The following TAF7L variants were observed in gnomAD, a reference collection of about 807,000 sequenced individuals.
TAF7L encodes the protein TATA-box binding protein associated factor 7 like.
TAF7L carries 6 observed loss-of-function variants against 30.2 expected under a neutral mutation model. The ratio of observed to expected loss-of-function variants is 0.20; its 90% CI spans 0.11 to 0.39. TAF7L has a LOEUF of 0.39. TAF7L is among the 10% of genes least tolerant of loss of function. TAF7L has a pLI of 1.00. For missense variants in TAF7L, 284 were observed against 277.1 expected (o/e 1.03, Z -0.18); for synonymous variants, 93 against 94.5 (o/e 0.98, Z 0.09).
At chrX:101,272,339 C>T (rs1923994021) in intron 12 of TAF7L, among the ~76,000 whole-genome samples, 1 of 111,935 alleles carries the variant, frequency 8.9e-6, no homozygotes, top group South Asian at 3.7e-4. Flanking sequence ...TATCAATATT[C>T]ATTGCAGCAT....
intron 6 of TAF7L, among the ~76,000 whole-genome samples, chrX:101,281,358 C>T (rs779146967): frequency 8.9e-6 from 1 of 112,136 alleles, no homozygotes; most frequent in South Asian, 3.7e-4. Flanking sequence ...GCCCAAGATT[C>T]TACAAGCCTG....
At chrX:101,292,819 T>G, upstream of TAF7L, 1 of 1,210,629 alleles carries the variant, frequency 8.3e-7, no homozygotes, top group Non-Finnish European at 1.1e-6. Context: ...TTCTGGGGCC[T>G]GGGCAGCAGC....
chrX:101,281,383 A>G (rs931858606), intron 6 of TAF7L, among the ~76,000 whole-genome samples: 20 of 112,117 alleles, frequency 1.8e-4, no homozygotes, highest in African/African-American at 6.5e-4. Flanking sequence ...AACATTAGGA[A>G]TATAACCACA....
In TAF7L at chrX:101,291,330, C is replaced by T; in HGVS notation, c.-109G>A. On this transcript the variant is annotated 5_prime_UTR_variant, in exon 1 of 13. Coordinates refer to ENST00000356784, the MANE Select transcript of TAF7L (RefSeq NM_001168474.2). The stretch of plus-strand genomic sequence containing the variant: ...TGGGCTCCCGCGCGGAACGTAGAGG[C>T]GAACGCTGGGCTGCCGGCGCCTGGA... 1 of 751,503 alleles carries T rather than the reference C, an allele frequency of 1.3e-6. No individual in the cohort carries two copies. The highest frequency in any genetic ancestry group is 1.6e-6 in the Non-Finnish European group (1 of 636,525). 61.9% of individuals were successfully genotyped at this position (751,503 alleles called of 1,213,427 possible).
upstream of TAF7L, among the ~76,000 whole-genome samples, chrX:101,292,437 CAAAAAAA>C (rs145821944): frequency 2.2e-4 from 8 of 35,741 alleles, no homozygotes; most frequent in Admixed American, 1.2e-3. Context: ...GAAACTCCGT[CAAAAAAA>C]AAAAAAAAAA....
In TAF7L at chrX:101,291,236, G is replaced by A; in HGVS notation, c.-15C>T. The A allele has an allele frequency of 1.3e-6, 1 of 753,620 alleles. No homozygotes were observed. The highest frequency in any genetic ancestry group is 6.7e-5 in the South Asian group (1 of 14,858). 62.1% of individuals were successfully genotyped at this position (753,620 alleles called of 1,213,427 possible). On this transcript the variant is annotated 5_prime_UTR_variant, in exon 1 of 13. Coordinates refer to ENST00000356784, the MANE Select transcript of TAF7L (RefSeq NM_001168474.2). ...CCGCCCGACTCACCCGCTCCTCCGG[G>A]AACTGGCGCCGACACCGAAAAGGCT...
intron 3 of TAF7L, among the ~76,000 whole-genome samples, chrX:101,285,986 GC>G (rs1262782782): frequency 9.0e-6 from 1 of 110,785 alleles, no homozygotes; most frequent in Non-Finnish European, 1.9e-5. Flanking sequence ...TTTGAGACTA[GC>G]CTGACCAACA....
chrX:101,284,988 GCATT>G (rs1432541901), intron 3 of TAF7L, among the ~76,000 whole-genome samples: 1 of 111,149 alleles, frequency 9.0e-6, no homozygotes, highest in Non-Finnish European at 1.9e-5. Flanking sequence ...GAGTAGTATA[GCATT>G]GTGTATACGT....
chrX:101,272,434 G>A (rs1023972928), intron 12 of TAF7L, among the ~76,000 whole-genome samples: 3 of 111,853 alleles, frequency 2.7e-5, no homozygotes, highest in Non-Finnish European at 5.6e-5. Flanking sequence ...TTGATCCAAT[G>A]GAGTATTAGT....
At chrX:101,277,477 AGG>A in intron 9 of TAF7L, 127 bp downstream of exon 9, 6 of 355,501 alleles carry the variant, frequency 1.7e-5, no homozygotes, top group Non-Finnish European at 2.4e-5. Context: ...AAAAGAGGGA[AGG>A]ACGAAACCAT....
chrX:101,280,377 A>G (rs1230856618), intron 6 of TAF7L, among the ~76,000 whole-genome samples: 1 of 112,167 alleles, frequency 8.9e-6, no homozygotes, highest in Non-Finnish European at 1.9e-5. Flanking sequence ...TAGATGGCAC[A>G]TGAGATGCTC....
chrX:101,275,504 A>G (rs748432158), intron 11 of TAF7L, among the ~76,000 whole-genome samples: 31 of 110,342 alleles, frequency 2.8e-4, no homozygotes, highest in African/African-American at 8.9e-4. Flanking sequence ...GGTAGCTGGG[A>G]TTACAGGAGC....
chrX:101,290,302 C>T, intron 1 of TAF7L, among the ~76,000 whole-genome samples: 1 of 111,894 alleles, frequency 8.9e-6, no homozygotes, highest in Middle Eastern at 4.6e-3. Flanking sequence ...AATTTCTTCT[C>T]TTCTTGTTTC....
chrX:101,292,463 G>A (rs759787242), upstream of TAF7L, among the ~76,000 whole-genome samples: 38 of 95,564 alleles, frequency 4.0e-4, no homozygotes, highest in South Asian at 0.018. Flanking sequence ...AAAAAAAAGC[G>A]AGTTGCTCGC....
At chrX:101,286,194 AAG>A (rs1464646666) in intron 3 of TAF7L, among the ~76,000 whole-genome samples, 5 of 91,286 alleles carry the variant, frequency 5.5e-5, no homozygotes, top group South Asian at 4.6e-4. Flanking sequence ...AAAAAAAAAA[AAG>A]AAAGAAAGAA....
Position 101,269,228 on chromosome X carries a change from G to A in TAF7L, c.1096C>T (p.Leu366=). ...AGAAAACGCTGCAACTGTTCCTGTAGGGAAATGAGCTGTAGGGAGAGGTAG... is the reference window on the plus strand; with the variant it reads ...AGAAAACGCTGCAACTGTTCCTGTAAGGAAATGAGCTGTAGGGAGAGGTAG... ...EKQKNEKLIS[L]QEQLQRFLKK Residue 366 remains leucine, a synonymous_variant, in exon 13 of 13, where the codon CTA becomes TTA. Coordinates refer to ENST00000356784, the MANE Select transcript of TAF7L (RefSeq NM_001168474.2). The A allele has an allele frequency of 8.3e-7, 1 of 1,207,822 alleles. No homozygotes were observed. Among genetic ancestry groups the A allele is most frequent in the Non-Finnish European group, 1.1e-6 (1 of 892,933 alleles).
At chrX:101,291,627 G>A (rs1370242819), upstream of TAF7L, among the ~76,000 whole-genome samples, 4 of 111,606 alleles carry the variant, frequency 3.6e-5, no homozygotes, top group South Asian at 3.7e-4. Flanking sequence ...AGTACTTTGG[G>A]AGGCCAAGGC....
intron 1 of TAF7L, among the ~76,000 whole-genome samples, chrX:101,290,935 G>A (rs751745981): frequency 9.0e-6 from 1 of 111,533 alleles, no homozygotes; most frequent in Non-Finnish European, 1.9e-5. Flanking sequence ...GTCAGTACAC[G>A]CCTAAATGGG....
chrX:101,282,587 G>C (rs1924451728), intron 4 of TAF7L, 134 bp from the exon 5 acceptor site: 2 of 721,069 alleles, frequency 2.8e-6, no homozygotes, highest in Non-Finnish European at 4.1e-6. Flanking sequence ...ATTTTGTAAT[G>C]TACATTTATA....
Sources: gnomAD v4.1 joint callset for allele counts (sites outside exome capture counted in the v4.1 genomes callset) on GRCh38, gnomAD v4.1.1 for gene constraint, MANE v1.5 for transcripts, NCBI Gene and HGNC (gene_info 2026-07-23, HGNC 2026-07-21) for gene names.